The following IGSF11 variants were observed in gnomAD, a reference collection of about 807,000 sequenced individuals.
IGSF11 encodes the protein immunoglobulin superfamily member 11.
Under a neutral mutation model 41.0 loss-of-function variants are expected in IGSF11, and 22 were observed. The observed-to-expected ratio is 0.54, with a 90% confidence interval of 0.38 to 0.77. The LOEUF (loss-of-function observed/expected upper bound fraction) is 0.77. IGSF11 is among the 30% of genes least tolerant of loss of function. IGSF11 has a pLI of 0.00. For synonymous variants in IGSF11, 219 were observed against 201.3 expected (o/e 1.09, Z -0.74); for missense variants, 444 against 530.8 (o/e 0.84, Z 1.61).
intron 1 of IGSF11, among the ~76,000 whole-genome samples, chr3:118,980,813 T>C (rs984941289): frequency 2.6e-5 from 4 of 152,246 alleles, no homozygotes; most frequent in African/African-American, 9.6e-5. Context: ...AAATATAATG[T>C]ATCCAAAAAA....
chr3:119,103,419 T>C (rs773383784), intron 1 of IGSF11, among the ~76,000 whole-genome samples: 4 of 152,120 alleles, frequency 2.6e-5, no homozygotes, highest in African/African-American at 9.7e-5. Context: ...CCTGTGTTAA[T>C]TCCTCTTTGA....
chr3:119,112,929 A>G (rs570169965), intron 1 of IGSF11, among the ~76,000 whole-genome samples: 1 of 152,234 alleles, frequency 6.6e-6, no homozygotes, highest in Non-Finnish European at 1.5e-5. Flanking sequence ...CAGGAAACTT[A>G]CAATCATGAC....
At chr3:119,049,880 C>G (rs866070771) in intron 1 of IGSF11, among the ~76,000 whole-genome samples, 3,068 of 146,792 alleles carry the variant, frequency 0.021, 109 homozygotes, top group African/African-American at 0.069. Flanking sequence ...ACAAACCTGA[C>G]AAAAACAAGC....
chr3:118,974,876 C>T (rs1933892087), intron 1 of IGSF11, among the ~76,000 whole-genome samples: 1 of 151,966 alleles, frequency 6.6e-6, no homozygotes, highest in South Asian at 2.1e-4. Flanking sequence ...TGTCAAAACA[C>T]CTAGTTACCA....
rs576821073 is a variant in IGSF11 at position 118,958,168 on chromosome 3, C to A, written c.53-27893G>T. Among the ~76,000 whole-genome samples the A allele has an allele frequency of 2.6e-5, 4 of 152,250 alleles. No homozygotes were observed. In the South Asian group the frequency reaches 6.2e-4, roughly 24 times the overall value. On this transcript the variant is annotated intron_variant, in intron 1 of 6. Coordinates refer to ENST00000393775, the MANE Select transcript of IGSF11 (RefSeq NM_001015887.3). ...TTCCCCAAATTTCTGTATAGTATTT[C>A]AGAGGAGGTAGGAAAAAATTCAAAG...
chr3:118,955,334 G>A (rs2866319), intron 1 of IGSF11, among the ~76,000 whole-genome samples: 3,818 of 151,886 alleles, frequency 0.025, 89 homozygotes, highest in East Asian at 0.093. Context: ...AGATGGAACC[G>A]GAGACCATTA....
rs532491066 is a variant in IGSF11, at chr3:118,985,400, G to A, written c.52+49131C>T. Among the ~76,000 whole-genome samples the A allele has an allele frequency of 2.4e-4, 37 of 152,114 alleles. 1 individual carries two copies. Among genetic ancestry groups the A allele is most frequent in the South Asian group, 4.1e-4 (2 of 4,822 alleles). On this transcript the variant is annotated intron_variant, in intron 1 of 6. Transcript: ENST00000393775. ...CTCTGTCACAATGCAAAGACAAGGG[G>A]ATCATTCTACTTGTTGTTTCTAACG...
At chr3:119,105,146 G>C (rs2077001551) in exon 1 of IGSF11, 3 of 1,601,040 alleles carry the variant, frequency 1.9e-6, no homozygotes, top group Admixed American at 1.7e-5. Context: ...TCACTAACCA[G>C]TTCTAGAAAA....
In IGSF11 at chr3:118,974,801, T is replaced by C. The variant is rs112118842; in HGVS notation, c.53-44526A>G. Among the ~76,000 whole-genome samples, 1,284 of 152,300 alleles carry C rather than the reference T, an allele frequency of 8.4e-3. 24 individuals carry two copies. The highest frequency in any genetic ancestry group is 0.03 in the African/African-American group (1,229 of 41,566). ...CTTCTTTCATTCTACAATCTTTCTC[T>C]TATCATTTTCTTTATCACTATTACT... is the stretch of plus-strand genomic sequence containing the variant. On this transcript the variant is annotated intron_variant, in intron 1 of 6. Coordinates refer to ENST00000393775, the MANE Select transcript of IGSF11 (RefSeq NM_001015887.3).
chr3:118,959,712 C>A (rs1259143369), intron 1 of IGSF11, among the ~76,000 whole-genome samples: 1 of 152,064 alleles, frequency 6.6e-6, no homozygotes, highest in Non-Finnish European at 1.5e-5. Context: ...TGTATGTGTA[C>A]CCATGTGTGT....
intron 1 of IGSF11, among the ~76,000 whole-genome samples, chr3:119,068,093 G>A (rs551675955): frequency 6.6e-6 from 1 of 152,272 alleles, no homozygotes; most frequent in South Asian, 2.1e-4. Context: ...GGTTCTCTCA[G>A]CTTTCCCTCA....
intron 1 of IGSF11, among the ~76,000 whole-genome samples, chr3:119,025,237 A>G (rs1366433718): frequency 6.6e-6 from 1 of 152,206 alleles, no homozygotes; most frequent in African/African-American, 2.4e-5. Context: ...AATATTTTCA[A>G]TACTGGAAAC....
At chr3:119,017,154 C>T (rs1036592896) in intron 1 of IGSF11, among the ~76,000 whole-genome samples, 3 of 151,156 alleles carry the variant, frequency 2.0e-5, no homozygotes, top group Admixed American at 6.6e-5. Context: ...GAAGAGTAAG[C>T]GAAATTGGAA....
chr3:119,030,018 A>G (rs1015026643), intron 1 of IGSF11, among the ~76,000 whole-genome samples: 1 of 152,192 alleles, frequency 6.6e-6, no homozygotes, highest in Non-Finnish European at 1.5e-5. Flanking sequence ...TTCTCTGAAC[A>G]TCTTCCCAAG....
intron 1 of IGSF11, among the ~76,000 whole-genome samples, chr3:119,087,043 AAAAG>A (rs2076687317): frequency 6.6e-6 from 1 of 152,232 alleles, no homozygotes; most frequent in Admixed American, 6.5e-5. Flanking sequence ...GGCTCAAAGT[AAAAG>A]GGTGGAGTAA....
chr3:118,976,416 G>A (rs1934108531), intron 1 of IGSF11, among the ~76,000 whole-genome samples: 1 of 152,090 alleles, frequency 6.6e-6, no homozygotes, highest in Non-Finnish European at 1.5e-5. Flanking sequence ...TTGTACATAG[G>A]AAATCCCGAA....
chr3:118,904,510 CA>C (rs1454064011), intron 6 of IGSF11, 137 bp downstream of exon 6: 1 of 668,818 alleles, frequency 1.5e-6, no homozygotes, highest in Admixed American at 2.8e-5. Context: ...AAGTGATATA[CA>C]AGAAAATACC....
intron 1 of IGSF11, among the ~76,000 whole-genome samples, chr3:119,062,973 C>T (rs183370920): frequency 6.4e-4 from 98 of 152,208 alleles, no homozygotes; most frequent in African/African-American, 2.4e-3. Context: ...AAACATAGGA[C>T]AGGAATTGTC....
At chr3:119,056,118 G>A (rs1376067898) in intron 1 of IGSF11, among the ~76,000 whole-genome samples, 3 of 151,982 alleles carry the variant, frequency 2.0e-5, no homozygotes, top group Non-Finnish European at 4.4e-5. Flanking sequence ...AAATAACTAA[G>A]ATGAGAGCAG....
Sources: allele counts gnomAD v4.1 joint callset (sites outside exome capture counted in the v4.1 genomes callset), GRCh38; gene constraint gnomAD v4.1.1; transcripts MANE v1.5; gene names NCBI Gene and HGNC (gene_info 2026-07-23, HGNC 2026-07-21).